The following OTX1 variants were observed in gnomAD, a reference collection of about 807,000 sequenced individuals.
The protein encoded by OTX1 is orthodenticle homeobox 1.
In OTX1, 7 loss-of-function variants were observed where a neutral mutation model predicts 26.7. The ratio of observed to expected loss-of-function variants is 0.26; its 90% CI spans 0.15 to 0.49. The LOEUF is 0.49. Among genes scored for constraint, OTX1 ranks in the 20% least tolerant of loss-of-function variants. OTX1 has a pLI of 0.98. For missense variants in OTX1, 414 were observed against 483.8 expected, an observed-to-expected ratio of 0.86 and a Z score of 1.35; for synonymous variants, 216 against 212.8, an observed-to-expected ratio of 1.01 and a Z score of -0.13.
chr2:63,055,830 G>A lies in OTX1; in HGVS notation c.579G>A (p.Val193=). 1.2e-6 allele frequency: 2 copies of A among 1,612,074 alleles called. No individual in the cohort carries two copies. The highest frequency in any genetic ancestry group is 2.2e-5 in the East Asian group (1 of 44,846). The change falls in exon 5 of 5, where the codon GTG becomes GTA. Residue 193 remains valine, a synonymous_variant. Coordinates refer to ENST00000282549, the MANE Select transcript of OTX1 (RefSeq NM_014562.4). This position sits in a 1 kb window ranked among gnomAD's most constrained non-coding sequence, Gnocchi z 5.2. ...SPGSAPASVS[V]PEPLAAPSNT... ...GCTCAGCGCCCGCGTCCGTGTCGGT[G>A]CCGGAGCCATTGGCCGCGCCTAGCA...
Position 63,056,223 on chromosome 2 carries a change from CGCT to C in OTX1, c.979_981del (p.Ala327del). On this transcript the variant is annotated inframe_deletion, in exon 5 of 5. Transcript: ENST00000282549. ...GCTTGGATTACAAGGAGCCTGGCGC[CGCT>C]GCTGCTTCCTCCGCCTGGAAACTCA... The C allele has an allele frequency of 6.2e-7, 1 of 1,614,114 alleles. No homozygotes were observed. Among genetic ancestry groups the C allele is most frequent in the Admixed American group, 1.7e-5 (1 of 60,020 alleles).
At chr2:63,053,913 G>C in intron 3 of OTX1, 134 bp from the exon 4 acceptor site, 1 of 1,043,756 alleles carries the variant, frequency 9.6e-7, no homozygotes, top group Non-Finnish European at 1.4e-6. Context: ...CCGCCCGAGG[G>C]AGTTTCTTTT....
upstream of OTX1, among the ~76,000 whole-genome samples, chr2:63,049,884 GA>G (rs2062010433): frequency 2.0e-5 from 3 of 152,370 alleles, no homozygotes; most frequent in South Asian, 6.2e-4. This position sits in a 1 kb window ranked among gnomAD's most constrained non-coding sequence, Gnocchi z 4.8. Flanking sequence ...TCGCCTCAAG[GA>G]GGATCCTTAC....
chr2:63,054,520 C>T (rs1024903737), intron 4 of OTX1, among the ~76,000 whole-genome samples: 2 of 152,262 alleles, frequency 1.3e-5, no homozygotes, highest in Non-Finnish European at 1.5e-5. Flanking sequence ...ACACTTGCCC[C>T]TGCTTCTTCG....
chr2:63,050,483 G>A (rs963194263), upstream of OTX1, among the ~76,000 whole-genome samples: 1 of 152,174 alleles, frequency 6.6e-6, no homozygotes, highest in African/African-American at 2.4e-5. Context: ...ACTCCCTCCG[G>A]AGCGCCGAGA....
chr2:63,055,549 G>C lies in OTX1; in HGVS notation c.298G>C (p.Gly100Arg). Residue 100 changes from glycine (G) to arginine (R), a missense_variant, in exon 5 of 5, where the codon GGG (glycine) becomes CGG (arginine). By Grantham distance (125) the Gly-to-Arg change is moderately radical. This residue lies in a region of OTX1 where 320 missense variants were observed against 347.9 expected (regional missense o/e 0.92). Coordinates refer to ENST00000282549, the MANE Select transcript of OTX1 (RefSeq NM_014562.4). The surrounding 1 kb of genome is among the most constrained non-coding windows in gnomAD (Gnocchi z 5.2). ...RAKCRQQQQS[G>R]SGTKSRPAKK... ...CAAATGCCGCCAGCAGCAGCAGAGC[G>C]GGAGCGGAACCAAGAGCCGCCCAGC... is the stretch of plus-strand genomic sequence containing the variant. 2.5e-6 allele frequency: 4 copies of C among 1,614,130 alleles called. No individual in the cohort carries two copies. Among genetic ancestry groups the C allele is most frequent in the Non-Finnish European group, 3.4e-6 (4 of 1,180,018 alleles).
Position 63,055,670 on chromosome 2 carries a change from G to C in OTX1, c.419G>C (p.Ser140Thr), listed in dbSNP as rs749047254. The change falls in exon 5 of 5, where the codon AGC becomes ACC. Residue 140 changes from serine (S) to threonine (T), a missense_variant. Physicochemically the swap from Ser to Thr is moderately conservative, Grantham distance 58. This residue lies in a region of OTX1 where 320 missense variants were observed against 347.9 expected (regional missense o/e 0.92). Coordinates refer to ENST00000282549, the MANE Select transcript of OTX1 (RefSeq NM_014562.4). The surrounding 1 kb of genome is among the most constrained non-coding windows in gnomAD (Gnocchi z 5.2). ...PAVSSSASSS[S>T]SASSSSANPA... ...GTGTCCAGCTCTGCCTCGTCCTCTAGCTCGGCGTCCAGCTCTTCCGCCAAC... is the reference window on the plus strand; with the variant it reads ...GTGTCCAGCTCTGCCTCGTCCTCTACCTCGGCGTCCAGCTCTTCCGCCAAC... 1 of 1,614,002 alleles carries C rather than the reference G, an allele frequency of 6.2e-7. No individual in the cohort carries two copies. The highest frequency in any genetic ancestry group is 1.1e-5 in the South Asian group (1 of 91,088).
Position 63,052,886 on chromosome 2 carries a change from C to G in OTX1, c.-105C>G. The G allele has an allele frequency of 1.4e-6, 1 of 706,836 alleles. No individual in the cohort carries two copies. Among genetic ancestry groups the G allele is most frequent in the South Asian group, 1.7e-5 (1 of 59,766 alleles). The allele number at this position is 706,836 out of a possible 1,614,324, so 43.8% of individuals were successfully genotyped here. ...GTGTCTCGTGTCTTCATAGGCCAGG[C>G]CCCCAGACGCATCAGACCCTGAAGG... On this transcript the variant is annotated 5_prime_UTR_variant, in exon 3 of 5. Transcript: ENST00000282549.
At position 63,052,990 on chromosome 2, in the gene OTX1, CATG is replaced by C; in HGVS notation, c.4_6del (p.Met2?). 6.2e-7 allele frequency: 1 copy of C among 1,609,492 alleles called. No homozygotes were observed. The highest frequency in any genetic ancestry group is 1.7e-5 in the Admixed American group (1 of 59,872). On this transcript the variant is annotated start_lost and inframe_deletion, in exon 3 of 5. Transcript: ENST00000282549. ...CGGGGCGCCTCCACCCAGCTGTTAG[CATG>C]ATGTCTTACCTCAAACAACCCCCAT...
chr2:63,056,434 C>A lies in OTX1; in HGVS notation c.*118C>A. 4.2e-6 allele frequency: 4 copies of A among 955,864 alleles called. No homozygotes were observed. The highest frequency in any genetic ancestry group is 1.7e-5 in the South Asian group (1 of 60,364). The allele number at this position is 955,864 out of a possible 1,614,324, so 59.2% of individuals were successfully genotyped here. A position where few individuals can be genotyped will look rare whatever the true frequency, so the allele number is the denominator to read the frequency against. On this transcript the variant is annotated 3_prime_UTR_variant, in exon 5 of 5. Transcript: ENST00000282549. ...GTCTTCTCCAAAACTGAATTTTCACCCCCCAAAAAGATGTCCATTGCCTGC... is the reference window on the plus strand; with the variant it reads ...GTCTTCTCCAAAACTGAATTTTCACACCCCAAAAAGATGTCCATTGCCTGC...
At chr2:63,050,534 C>A (rs2062017842), upstream of OTX1, among the ~76,000 whole-genome samples, 1 of 152,148 alleles carries the variant, frequency 6.6e-6, no homozygotes, top group African/African-American at 2.4e-5. Context: ...GCCTGGAGAC[C>A]CACGGCCCCC....
chr2:63,055,884 T>C lies in OTX1; in HGVS notation c.633T>C (p.Ala211=), dbSNP rs751982760. ...SNTSCMQRSV[A]AGAATAAASY... is the part of the protein sequence containing the mutation. ...CCTCGTGTATGCAGCGCTCCGTAGC[T>C]GCAGGCGCCGCCACCGCAGCAGCCT... The change falls in exon 5 of 5, where the codon GCT becomes GCC. Residue 211 remains alanine, a synonymous_variant. Transcript: ENST00000282549. The surrounding 1 kb of genome is among the most constrained non-coding windows in gnomAD (Gnocchi z 5.2). The C allele has an allele frequency of 1.2e-6, 2 of 1,611,946 alleles. No homozygotes were observed. Among genetic ancestry groups the C allele is most frequent in the Admixed American group, 1.7e-5 (1 of 59,990 alleles).
chr2:63,050,513 G>T (rs1445465516), upstream of OTX1, among the ~76,000 whole-genome samples: 1 of 152,188 alleles, frequency 6.6e-6, no homozygotes. Flanking sequence ...GGGCGGGGGC[G>T]CCCAGGGCAG....
chr2:63,051,338 C>A (rs1337187526), intron 2 of OTX1, 21 bp downstream of exon 2: 1 of 152,314 alleles, frequency 6.6e-6, no homozygotes, highest in East Asian at 1.9e-4. Flanking sequence ...AGCCGCGGGG[C>A]CACCCCGGAC....
At position 63,055,710 on chromosome 2, in the gene OTX1, G is replaced by C. The variant is rs760117662; in HGVS notation, c.459G>C (p.Ala153=). ...SSSSANPAAA[A]AAGLGGNPVA... is the part of the protein sequence containing the mutation. ...CTTCCGCCAACCCAGCGGCTGCAGC[G>C]GCTGCGGGACTAGGTGGGAACCCGG... is the stretch of plus-strand genomic sequence containing the variant. Residue 153 remains alanine, a synonymous_variant, in exon 5 of 5, where the codon GCG becomes GCC. Coordinates refer to ENST00000282549, the MANE Select transcript of OTX1 (RefSeq NM_014562.4). The surrounding 1 kb of genome is among the most constrained non-coding windows in gnomAD (Gnocchi z 5.2). 6.2e-7 allele frequency: 1 copy of C among 1,613,362 alleles called. No homozygotes were observed. Among genetic ancestry groups the C allele is most frequent in the East Asian group, 2.2e-5 (1 of 44,862 alleles).
chr2:63,053,107 A>G lies in OTX1; in HGVS notation c.97+20A>G, dbSNP rs748498867. The G allele has an allele frequency of 3.8e-5, 56 of 1,489,830 alleles. No individual in the cohort carries two copies. The highest frequency in any genetic ancestry group is 5.1e-5 in the Non-Finnish European group (56 of 1,107,812). 92.3% of individuals were successfully genotyped at this position (1,489,830 alleles called of 1,614,324 possible). On this transcript the variant is annotated intron_variant, in intron 3 of 4. Transcript: ENST00000282549. Reference sequence around the variant, plus strand: ...ATCCGGGTGAGCACCAGCCCTCCCGACCCTGCCTCAGCCTCTCAAATGTTG... The same window carrying G: ...ATCCGGGTGAGCACCAGCCCTCCCGGCCCTGCCTCAGCCTCTCAAATGTTG...
At chr2:63,052,204 C>A (rs1458412321) in intron 2 of OTX1, 1 of 152,322 alleles carries the variant, frequency 6.6e-6, no homozygotes, top group Non-Finnish European at 1.5e-5. Flanking sequence ...GGGGTCGCCC[C>A]CCTCTACAGT....
rs2062053997 is a variant in OTX1, at chr2:63,055,145, G to T, written c.250-356G>T. On this transcript the variant is annotated intron_variant, in intron 4 of 4. Coordinates refer to ENST00000282549, the MANE Select transcript of OTX1 (RefSeq NM_014562.4). This position sits in a 1 kb window ranked among gnomAD's most constrained non-coding sequence, Gnocchi z 5.2. ...AACTGGGCCTCCAAACACACACGGGGCCTCCAAACATACACGGAAGCAGCC... is the reference window on the plus strand; with the variant it reads ...AACTGGGCCTCCAAACACACACGGGTCCTCCAAACATACACGGAAGCAGCC... 6.6e-6 allele frequency among the ~76,000 whole-genome samples: 1 copy of T among 152,212 alleles called. No homozygotes were observed. The highest frequency in any genetic ancestry group is 6.5e-5 in the Admixed American group (1 of 15,286).
chr2:63,052,748 G>A, intron 2 of OTX1, 132 bp from the exon 3 acceptor site: 9 of 498,804 alleles, frequency 1.8e-5, no homozygotes, highest in Non-Finnish European at 3.2e-5. Context: ...TGGTTTCTGG[G>A]CTAAGGCCTT....
Sources: allele counts gnomAD v4.1 joint callset (sites outside exome capture counted in the v4.1 genomes callset), GRCh38; gene constraint gnomAD v4.1.1; regional missense constraint gnomAD v4.1.1; non-coding constraint Gnocchi (gnomAD v3.1); transcripts MANE v1.5; gene names NCBI Gene and HGNC (gene_info 2026-07-23, HGNC 2026-07-21).